UBE2W: variants seen among roughly 807,000 people sequenced by gnomAD.
The protein encoded by UBE2W is ubiquitin-conjugating enzyme E2 W.
Under a neutral mutation model 27.2 loss-of-function variants are expected in UBE2W, and 18 were observed. The ratio of observed to expected loss-of-function variants is 0.66; its 90% CI spans 0.46 to 0.98. The LOEUF (loss-of-function observed/expected upper bound fraction) is 0.98, where lower values mean the gene tolerates loss of function less well. UBE2W is among the 50% of genes least tolerant of loss of function. The probability of loss-of-function intolerance (pLI) is 0.00; values close to 1 mark genes in which losing one functional copy is unlikely to be tolerated. For missense variants in UBE2W, 90 were observed against 180.2 expected, an observed-to-expected ratio of 0.50 and a Z score of 2.87; for synonymous variants, 53 against 57.2, an observed-to-expected ratio of 0.93 and a Z score of 0.33.
intron 1 of UBE2W, among the ~76,000 whole-genome samples, chr8:73,863,249 T>TA (rs1450470692): frequency 2.8e-5 from 4 of 144,560 alleles, no homozygotes; most frequent in Admixed American, 6.8e-5. Flanking sequence ...TATGCAGCCA[T>TA]AAAAAATGAT....
rs560417267 is a variant in UBE2W at position 73,874,467 on chromosome 8, TAAC to T, written c.15+4338_15+4340del. On this transcript the variant is annotated intron_variant, in intron 1 of 5. Coordinates refer to ENST00000602593, the MANE Select transcript of UBE2W (RefSeq NM_018299.6). Reference sequence around the variant, plus strand: ...TAAAATAAAATTTTAAAAAAGCATTTAACAACAACAACAAAAAATTCAATTTTA... The same window carrying T: ...TAAAATAAAATTTTAAAAAAGCATTTAACAACAACAAAAAATTCAATTTTA... Among the ~76,000 whole-genome samples, 32 of 152,114 alleles carry T rather than the reference TAAC, an allele frequency of 2.1e-4. No homozygotes were observed. The South Asian group carries it at 5.4e-3, about 26-fold the overall frequency.
rs1203151236 is a variant in UBE2W, at chr8:73,792,095, A to G, written c.*2007T>C. The G allele has an allele frequency of 1.0e-6, 1 of 985,230 alleles. No individual in the cohort carries two copies. The highest frequency in any genetic ancestry group is 1.2e-6 in the Non-Finnish European group (1 of 829,820). The allele number at this position is 985,230 out of a possible 1,614,324, so 61.0% of individuals were successfully genotyped here. ...AGAAGATCAAGTCAAACAGTAGTGT[A>G]GAGCAGTTACGCAAAATATGAAAAT... is the stretch of plus-strand genomic sequence containing the variant. On this transcript the variant is annotated 3_prime_UTR_variant, in exon 6 of 6. Coordinates refer to ENST00000602593, the MANE Select transcript of UBE2W (RefSeq NM_018299.6).
Position 73,786,526 on chromosome 8 carries a change from G to C in UBE2W, c.*7576C>G. 11 of 985,472 alleles carry C rather than the reference G, an allele frequency of 1.1e-5. No homozygotes were observed. The highest frequency in any genetic ancestry group is 1.7e-5 in the African/African-American group (1 of 57,366). The allele number at this position is 985,472 out of a possible 1,614,324, so 61.0% of individuals were successfully genotyped here. ...TTAAAAAGTTCAGGATAGATGACTG[G>C]TAGGGAGAGAAGAAAGGACAAGGAT... On this transcript the variant is annotated 3_prime_UTR_variant, in exon 6 of 6. Coordinates refer to ENST00000602593, the MANE Select transcript of UBE2W (RefSeq NM_018299.6).
chr8:73,851,142 T>C (rs948216795), intron 1 of UBE2W, among the ~76,000 whole-genome samples: 1 of 152,146 alleles, frequency 6.6e-6, no homozygotes, highest in Non-Finnish European at 1.5e-5. Context: ...TAAGACACCA[T>C]GCCCAGCGTC....
At chr8:73,856,854 T>G (rs1811323536) in intron 1 of UBE2W, among the ~76,000 whole-genome samples, 2 of 152,068 alleles carry the variant, frequency 1.3e-5, no homozygotes, top group Non-Finnish European at 2.9e-5. Flanking sequence ...TATTGGCATG[T>G]GCCACCACAC....
intron 1 of UBE2W, among the ~76,000 whole-genome samples, chr8:73,873,473 C>A (rs996253589): frequency 6.6e-6 from 1 of 151,972 alleles, no homozygotes; most frequent in South Asian, 2.1e-4. Flanking sequence ...ACTTGAGCAA[C>A]AGGGAAAAAA....
chr8:73,793,388 T>C lies in UBE2W; in HGVS notation c.*714A>G, dbSNP rs957411185. 7 of 985,724 alleles carry C rather than the reference T, an allele frequency of 7.1e-6. No homozygotes were observed. Among genetic ancestry groups the C allele is most frequent in the South Asian group, 4.7e-5 (1 of 21,294 alleles). 61.1% of individuals were successfully genotyped at this position (985,724 alleles called of 1,614,324 possible). On this transcript the variant is annotated 3_prime_UTR_variant, in exon 6 of 6. Transcript: ENST00000602593. ...CTTTACTTCAGAGATTGAGGAACTATATACAACAAATTAATTTATTTTCAC... is the reference window on the plus strand; with the variant it reads ...CTTTACTTCAGAGATTGAGGAACTACATACAACAAATTAATTTATTTTCAC...
chr8:73,822,631 A>AAAAAAAT (rs1563593366), intron 3 of UBE2W, among the ~76,000 whole-genome samples: 2 of 141,692 alleles, frequency 1.4e-5, no homozygotes, highest in African/African-American at 5.5e-5. Context: ...AAAAAAAAAA[A>AAAAAAAT]AAATTAGCTG....
intron 5 of UBE2W, among the ~76,000 whole-genome samples, chr8:73,801,435 C>T (rs1808639328): frequency 6.6e-6 from 1 of 152,136 alleles, no homozygotes; most frequent in East Asian, 1.9e-4. Context: ...TCTTCTAAAA[C>T]ACAATGTCCC....
chr8:73,784,881 A>G (rs1006248270), downstream of UBE2W, among the ~76,000 whole-genome samples: 7 of 152,034 alleles, frequency 4.6e-5, no homozygotes, highest in Non-Finnish European at 1.0e-4. Flanking sequence ...TTTCTTCCCA[A>G]TTGATAAATT....
At chr8:73,858,976 T>TTGCG (rs746562024) in intron 1 of UBE2W, among the ~76,000 whole-genome samples, 27 of 87,338 alleles carry the variant, frequency 3.1e-4, no homozygotes, top group Non-Finnish European at 4.1e-4. Context: ...CAGGGGGTTT[T>TTGCG]TGCGTGTGTG....
At chr8:73,864,771 G>GGGGGGGGGGGC (rs1811679440) in intron 1 of UBE2W, among the ~76,000 whole-genome samples, 1 of 121,150 alleles carries the variant, frequency 8.3e-6, no homozygotes, top group African/African-American at 3.2e-5. Context: ...GGCGGGGGGG[G>GGGGGGGGGGGC]CTGAGGGGAT....
chr8:73,834,164 T>C (rs1490795013), intron 1 of UBE2W: 1 of 152,222 alleles, frequency 6.6e-6, no homozygotes, highest in African/African-American at 2.4e-5. Context: ...CAGTAAGTAA[T>C]GTTTCTACGT....
At chr8:73,874,464 A>AT (rs1563641711) in intron 1 of UBE2W, among the ~76,000 whole-genome samples, 2 of 152,136 alleles carry the variant, frequency 1.3e-5, no homozygotes, top group African/African-American at 4.8e-5. Context: ...TTAAAAAAGC[A>AT]TTTAACAACA....
At chr8:73,821,253 A>G (rs1809599494) in intron 3 of UBE2W, among the ~76,000 whole-genome samples, 1 of 152,144 alleles carries the variant, frequency 6.6e-6, no homozygotes, top group Non-Finnish European at 1.5e-5. Context: ...CACATATAAA[A>G]TGAGGATGAA....
chr8:73,855,969 GTAAT>G (rs1811281367), intron 1 of UBE2W, among the ~76,000 whole-genome samples: 1 of 152,016 alleles, frequency 6.6e-6, no homozygotes, highest in South Asian at 2.1e-4. Context: ...TCATGTATCT[GTAAT>G]TACTTTTCTA....
chr8:73,810,344 G>T (rs953722337), intron 4 of UBE2W, 130 bp downstream of exon 4: 5 of 950,242 alleles, frequency 5.3e-6, no homozygotes, highest in Non-Finnish European at 7.3e-6. Flanking sequence ...TACTAAACAT[G>T]AAATTCCCTA....
rs1228020068 is a variant in UBE2W, at chr8:73,787,519, T to A, written c.*6583A>T. On this transcript the variant is annotated 3_prime_UTR_variant, in exon 6 of 6. Coordinates refer to ENST00000602593, the MANE Select transcript of UBE2W (RefSeq NM_018299.6). ...GTTGTGTAGGACGGCAGGAACAGCTTGAGACATGATCGTTTTTATGGCAGA... is the reference window on the plus strand; with the variant it reads ...GTTGTGTAGGACGGCAGGAACAGCTAGAGACATGATCGTTTTTATGGCAGA... 3.0e-6 allele frequency: 3 copies of A among 985,306 alleles called. No homozygotes were observed. Among genetic ancestry groups the A allele is most frequent in the Non-Finnish European group, 1.2e-6 (1 of 829,936 alleles). The allele number at this position is 985,306 out of a possible 1,614,324, so 61.0% of individuals were successfully genotyped here.
intron 5 of UBE2W, among the ~76,000 whole-genome samples, 179 bp downstream of exon 5, chr8:73,805,472 C>CAAAAAAAAAAACAAACAAACAAAAAA: frequency 2.3e-5 from 1 of 43,676 alleles, no homozygotes; most frequent in South Asian, 9.2e-4. Flanking sequence ...AAAAAAAAAA[C>CAAAAAAAAAAACAAACAAACAAAAAA]AAAAAAAACT....
Sources: gnomAD v4.1 joint callset for allele counts (sites outside exome capture counted in the v4.1 genomes callset) on GRCh38, gnomAD v4.1.1 for gene constraint, MANE v1.5 for transcripts, NCBI Gene and HGNC (gene_info 2026-07-23, HGNC 2026-07-21) for gene names.